Variants in CNKSR3 observed in about 807,000 individuals in gnomAD.
CNKSR3 encodes the protein connector enhancer of kinase suppressor of ras 3.
In CNKSR3, 36 loss-of-function variants were observed where a neutral mutation model predicts 67.7. That is an observed-to-expected ratio of 0.53 (90% CI 0.41 to 0.70). The LOEUF (loss-of-function observed/expected upper bound fraction) is 0.70, where lower values mean the gene tolerates loss of function less well. CNKSR3 is among the 30% of genes least tolerant of loss of function. CNKSR3 has a pLI of 0.00. For synonymous variants in CNKSR3, 281 were observed against 271.4 expected, an observed-to-expected ratio of 1.04 and a Z score of -0.35; for missense variants, 630 against 695.2, an observed-to-expected ratio of 0.91 and a Z score of 1.05.
chr6:154,481,353 CTTAT>C (rs1274891447), intron 1 of CNKSR3, among the ~76,000 whole-genome samples: 3 of 151,314 alleles, frequency 2.0e-5, no homozygotes, highest in African/African-American at 4.9e-5. Context: ...CAGTCTTATG[CTTAT>C]TTGATATTTA....
At chr6:154,432,215 C>A (rs4120849) in intron 5 of CNKSR3, among the ~76,000 whole-genome samples, 1 of 152,224 alleles carries the variant, frequency 6.6e-6, no homozygotes, top group East Asian at 1.9e-4. Flanking sequence ...AGGTATATGG[C>A]GGTATCTCAT....
At position 154,457,453 on chromosome 6, in the gene CNKSR3, C is replaced by T. The variant is rs115138510; in HGVS notation, c.53-7195G>A. 5.4e-3 allele frequency among the ~76,000 whole-genome samples: 820 copies of T among 152,266 alleles called. 10 individuals carry two copies. The highest frequency in any genetic ancestry group is 0.019 in the African/African-American group (774 of 41,556). ...CCCAGCAGTGGGCCAGATGCAGGGG[C>T]TCACACCTGTAATTCCAGCACTTTG... On this transcript the variant is annotated intron_variant, in intron 1 of 12. Coordinates refer to ENST00000607772, the MANE Select transcript of CNKSR3 (RefSeq NM_173515.4).
intron 1 of CNKSR3, among the ~76,000 whole-genome samples, chr6:154,464,214 T>A (rs941729760): frequency 6.6e-5 from 10 of 152,318 alleles, no homozygotes; most frequent in African/African-American, 2.2e-4. Context: ...CAGCTGGGAC[T>A]GACTGTTAGG....
At chr6:154,417,689 C>A (rs898687374) in intron 9 of CNKSR3, among the ~76,000 whole-genome samples, 3 of 152,076 alleles carry the variant, frequency 2.0e-5, no homozygotes, top group African/African-American at 7.2e-5. Context: ...TGGGCTCAAT[C>A]TGACATGACT....
Position 154,442,141 on chromosome 6 carries a change from G to C in CNKSR3, c.366C>G (p.Thr122=). The part of the protein sequence containing the change: ...TSRKAPNEFL[T]SVVELIGAAK... ...CGGCGCCGATGAGCTCCACCACCGA[G>C]GTCAGGAACTCATTGGGGGCCTTGC... Residue 122 remains threonine, a synonymous_variant, in exon 3 of 13, where the codon ACC becomes ACG. Transcript: ENST00000607772. 6.2e-7 allele frequency: 1 copy of C among 1,614,080 alleles called. No homozygotes were observed. The highest frequency in any genetic ancestry group is 8.5e-7 in the Non-Finnish European group (1 of 1,179,924).
chr6:154,474,830 G>T lies in CNKSR3; in HGVS notation c.53-24572C>A, dbSNP rs547386379. Among the ~76,000 whole-genome samples, 37 of 152,326 alleles carry T rather than the reference G, an allele frequency of 2.4e-4. No homozygotes were observed. In the Middle Eastern group the frequency reaches 0.01, roughly 42 times the overall value. ...TAGACAGAAAATGTGGCACAAAAGA[G>T]AGAGGAGAAGTGTGGGAAGAAGATG... On this transcript the variant is annotated intron_variant, in intron 1 of 12. Transcript: ENST00000607772.
chr6:154,411,036 G>A lies in CNKSR3; in HGVS notation c.1177C>T (p.Arg393Trp), dbSNP rs762767264. ...SPNSFLDQES[R>W]RRRFTIADSD... ...TCTGCAATGGTGAATCTTCGTCTCCGGCTTTCCTGGTCCAAGAAGGAATTC... is the reference window on the plus strand; with the variant it reads ...TCTGCAATGGTGAATCTTCGTCTCCAGCTTTCCTGGTCCAAGAAGGAATTC... Residue 393 changes from arginine (R) to tryptophan (W), a missense_variant, in exon 11 of 13, where the codon CGG (arginine) becomes TGG (tryptophan). Transcript: ENST00000607772. 13 of 1,613,884 alleles carry A rather than the reference G, an allele frequency of 8.1e-6. No homozygotes were observed. Among genetic ancestry groups the A allele is most frequent in the Non-Finnish European group, 9.3e-6 (11 of 1,179,992 alleles).
At chr6:154,506,833 A>G (rs541228595) in intron 1 of CNKSR3, among the ~76,000 whole-genome samples, 53 of 152,358 alleles carry the variant, frequency 3.5e-4, no homozygotes, top group Non-Finnish European at 6.3e-4. Context: ...GACATGAACT[A>G]AAGATAGAGA....
Position 154,396,431 on chromosome 6 carries a change from T to C in CNKSR3, c.*9923A>G, listed in dbSNP as rs1306677730. ...TATATTAATAAAATTAAAACAATTTTCACAGAAAATTTTAATAATTTTTTC... is the reference window on the plus strand; with the variant it reads ...TATATTAATAAAATTAAAACAATTTCCACAGAAAATTTTAATAATTTTTTC... On this transcript the variant is annotated 3_prime_UTR_variant, in exon 13 of 13. Coordinates refer to ENST00000607772, the MANE Select transcript of CNKSR3 (RefSeq NM_173515.4). 30 of 152,224 alleles carry C rather than the reference T, an allele frequency of 2.0e-4. No homozygotes were observed. The highest frequency in any genetic ancestry group is 2.0e-3 in the Admixed American group (30 of 15,272). The allele number at this position is 152,224 out of a possible 1,614,324, so 9.4% of individuals were successfully genotyped here. A position where few individuals can be genotyped will look rare whatever the true frequency, so the allele number is the denominator to read the frequency against.
chr6:154,508,437 T>C (rs556692592), intron 1 of CNKSR3, among the ~76,000 whole-genome samples: 2 of 152,292 alleles, frequency 1.3e-5, no homozygotes, highest in Admixed American at 6.5e-5. Flanking sequence ...GGTTACTAAG[T>C]TGGACAGAGC....
In CNKSR3 at chr6:154,441,343, C is replaced by G. The variant is rs373829130; in HGVS notation, c.456G>C (p.Thr152=). The change falls in exon 4 of 13, where the codon ACG becomes ACC. Residue 152 remains threonine, a synonymous_variant. Transcript: ENST00000607772. The part of the protein sequence containing the change: ...PFTGITDFSV[T]KNKIIQLCLD... ...AGCAAAGCTGGATAATTTTGTTCTT[C>G]GTGACTGAGAAATCAGTGATCCCTG... 2.5e-6 allele frequency: 4 copies of G among 1,613,152 alleles called. No individual in the cohort carries two copies. Among genetic ancestry groups the G allele is most frequent in the Non-Finnish European group, 3.4e-6 (4 of 1,179,780 alleles).
intron 1 of CNKSR3, among the ~76,000 whole-genome samples, chr6:154,473,600 GTCTAC>G (rs1786377664): frequency 6.6e-6 from 1 of 152,166 alleles, no homozygotes; most frequent in South Asian, 2.1e-4. Context: ...TTTAGGGAGT[GTCTAC>G]TCTACAGGGT....
In CNKSR3 at chr6:154,450,160, G is replaced by A. The variant is rs1785795864; in HGVS notation, c.151C>T (p.Leu51=). 1 of 1,613,992 alleles carries A rather than the reference G, an allele frequency of 6.2e-7. No homozygotes were observed. The highest frequency in any genetic ancestry group is 1.1e-5 in the South Asian group (1 of 91,070). ...TGGTGTCCAATCCGTGTGACCCCCA[G>A]CTCCTCCAGGTCCTGATGGGAAATC... is the stretch of plus-strand genomic sequence containing the variant. The part of the protein sequence containing the change: ...LQISHQDLEE[L]GVTRIGHQEL... Residue 51 remains leucine, a synonymous_variant, in exon 2 of 13, where the codon CTG becomes TTG. Coordinates refer to ENST00000607772, the MANE Select transcript of CNKSR3 (RefSeq NM_173515.4).
At chr6:154,485,233 T>C (rs1461440820) in intron 1 of CNKSR3, among the ~76,000 whole-genome samples, 1 of 152,188 alleles carries the variant, frequency 6.6e-6, no homozygotes, top group Non-Finnish European at 1.5e-5. Flanking sequence ...TCTAGGTATC[T>C]TACAAATATC....
Position 154,475,333 on chromosome 6 carries a change from G to A in CNKSR3, c.53-25075C>T, listed in dbSNP as rs117304325. Among the ~76,000 whole-genome samples the A allele has an allele frequency of 2.6e-5, 4 of 152,042 alleles. No homozygotes were observed. The East Asian group carries it at 7.8e-4, about 29-fold the overall frequency. On this transcript the variant is annotated intron_variant, in intron 1 of 12. Coordinates refer to ENST00000607772, the MANE Select transcript of CNKSR3 (RefSeq NM_173515.4). ...CTCCTGGCCACCATCTCTCCCCCTGGGCGCCCTTCCCTCCCCTTCTCCAAT... is the reference window on the plus strand; with the variant it reads ...CTCCTGGCCACCATCTCTCCCCCTGAGCGCCCTTCCCTCCCCTTCTCCAAT...
At chr6:154,498,265 C>T (rs1786916331) in intron 1 of CNKSR3, among the ~76,000 whole-genome samples, 1 of 152,114 alleles carries the variant, frequency 6.6e-6, no homozygotes, top group South Asian at 2.1e-4. Flanking sequence ...TACAGGTGCG[C>T]TTCTCACTGG....
At chr6:154,450,621 C>T (rs188521363) in intron 1 of CNKSR3, among the ~76,000 whole-genome samples, 242 of 152,296 alleles carry the variant, frequency 1.6e-3, no homozygotes, top group African/African-American at 5.4e-3. Flanking sequence ...TCCCATCCCA[C>T]GTAATCCCAG....
At chr6:154,493,500 C>A (rs1786820782) in intron 1 of CNKSR3, among the ~76,000 whole-genome samples, 1 of 152,202 alleles carries the variant, frequency 6.6e-6, no homozygotes, top group South Asian at 2.1e-4. Context: ...TGAATAGCAA[C>A]CTTCTCCAGC....
At chr6:154,411,458 C>T (rs1366825641) in intron 10 of CNKSR3, among the ~76,000 whole-genome samples, 2 of 152,062 alleles carry the variant, frequency 1.3e-5, no homozygotes, top group African/African-American at 2.4e-5. Flanking sequence ...ACCAGCCTGA[C>T]AAACAAGGTG....
Sources: gnomAD v4.1 joint callset for allele counts (sites outside exome capture counted in the v4.1 genomes callset) on GRCh38, gnomAD v4.1.1 for gene constraint, MANE v1.5 for transcripts, NCBI Gene and HGNC (gene_info 2026-07-23, HGNC 2026-07-21) for gene names.